APBA1: variants seen among roughly 807,000 people sequenced by gnomAD.
APBA1 encodes the protein amyloid-beta A4 precursor protein-binding family A member 1.
In APBA1, 55 loss-of-function variants were observed where a neutral mutation model predicts 86.6. That is an observed-to-expected ratio of 0.64 (90% confidence interval 0.51 to 0.80). The LOEUF (loss-of-function observed/expected upper bound fraction) is 0.80. APBA1 is among the 30% of genes least tolerant of loss of function. The probability of loss-of-function intolerance (pLI) is 0.00; values close to 1 mark genes in which losing one functional copy is unlikely to be tolerated. For synonymous variants in APBA1, 511 were observed against 493.9 expected (o/e 1.03, Z -0.46); for missense variants, 1,090 against 1,183.0 (o/e 0.92, Z 1.15).
intron 2 of APBA1, among the ~76,000 whole-genome samples, chr9:69,500,773 C>G (rs900470812): frequency 2.0e-5 from 3 of 152,054 alleles, no homozygotes; most frequent in African/African-American, 7.2e-5. Flanking sequence ...GCCTTGAAAT[C>G]TATGTTTAAA....
At chr9:69,628,588 C>G (rs546094076) in intron 1 of APBA1, among the ~76,000 whole-genome samples, 76 of 152,278 alleles carry the variant, frequency 5.0e-4, no homozygotes, top group African/African-American at 1.8e-3. Flanking sequence ...CCATGGCAAC[C>G]ATTCCAAAGA....
intron 1 of APBA1, among the ~76,000 whole-genome samples, chr9:69,596,582 T>C (rs1822234503): frequency 1.3e-5 from 2 of 152,206 alleles, no homozygotes; most frequent in Non-Finnish European, 1.5e-5. Context: ...CACACCCATG[T>C]TCCGAGCATG....
intron 1 of APBA1, among the ~76,000 whole-genome samples, chr9:69,600,833 T>A (rs1440608058): frequency 2.0e-5 from 3 of 146,650 alleles, no homozygotes; most frequent in Admixed American, 6.8e-5. Flanking sequence ...AATAAATAAA[T>A]AAAATAAAAT....
chr9:69,617,212 C>T (rs375263020), intron 1 of APBA1, among the ~76,000 whole-genome samples: 7 of 152,224 alleles, frequency 4.6e-5, no homozygotes, highest in Middle Eastern at 3.4e-3. Flanking sequence ...CTTCACTTCC[C>T]TGAATATGCA....
chr9:69,529,264 G>T (rs1012986401), intron 1 of APBA1, among the ~76,000 whole-genome samples: 1 of 152,020 alleles, frequency 6.6e-6, no homozygotes, highest in African/African-American at 2.4e-5. Flanking sequence ...ATTCAGGAAG[G>T]CTCACTTCCT....
intron 2 of APBA1, among the ~76,000 whole-genome samples, chr9:69,512,009 C>T (rs1172278325): frequency 2.0e-5 from 3 of 151,682 alleles, no homozygotes; most frequent in African/African-American, 7.3e-5. Flanking sequence ...ACCAGCATGG[C>T]ACACGTATAC....
At chr9:69,566,416 C>A (rs1837027691) in intron 1 of APBA1, among the ~76,000 whole-genome samples, 1 of 152,118 alleles carries the variant, frequency 6.6e-6, no homozygotes, top group South Asian at 2.1e-4. Flanking sequence ...TGTACTGGGT[C>A]TTTTATCTGC....
At chr9:69,672,476 G>T (rs1823974433), upstream of APBA1, among the ~76,000 whole-genome samples, 1 of 148,416 alleles carries the variant, frequency 6.7e-6, no homozygotes, top group South Asian at 2.1e-4. Context: ...GGGCGCGGGG[G>T]AGCGCGCGCG....
At chr9:69,472,998 A>ATAAT (rs2133835074) in intron 3 of APBA1, among the ~76,000 whole-genome samples, 1 of 152,342 alleles carries the variant, frequency 6.6e-6, no homozygotes, top group African/African-American at 2.4e-5. Context: ...TAATCACACA[A>ATAAT]TAATACATTG....
At chr9:69,585,385 G>A (rs11139444) in intron 1 of APBA1, among the ~76,000 whole-genome samples, 1,942 of 152,278 alleles carry the variant, frequency 0.013, 20 homozygotes, top group Non-Finnish European at 0.021. Context: ...ATGATAAGAA[G>A]AGACTGAGGC....
At chr9:69,654,112 C>CAAAAAA (rs34666773) in intron 1 of APBA1, among the ~76,000 whole-genome samples, 3 of 60,378 alleles carry the variant, frequency 5.0e-5, no homozygotes, top group Non-Finnish European at 7.2e-5. Flanking sequence ...AACTCCATCT[C>CAAAAAA]AAAAAAAAAA....
chr9:69,534,724 C>T (rs1332306042), intron 1 of APBA1, among the ~76,000 whole-genome samples: 1 of 152,096 alleles, frequency 6.6e-6, no homozygotes, highest in African/African-American at 2.4e-5. Flanking sequence ...AAAAATATCC[C>T]CTTTTCACTG....
intron 1 of APBA1, among the ~76,000 whole-genome samples, chr9:69,571,190 G>A (rs995061780): frequency 6.6e-6 from 1 of 152,098 alleles, no homozygotes; most frequent in Non-Finnish European, 1.5e-5. Context: ...GCATGACAAG[G>A]GTTGAAAATC....
At chr9:69,575,884 A>G (rs1430962637) in intron 1 of APBA1, among the ~76,000 whole-genome samples, 6 of 152,184 alleles carry the variant, frequency 3.9e-5, no homozygotes, top group African/African-American at 9.6e-5. Flanking sequence ...AAGAGCTTCT[A>G]CACAGCAAAA....
chr9:69,594,312 G>A (rs1016528869), intron 1 of APBA1, among the ~76,000 whole-genome samples: 3 of 152,122 alleles, frequency 2.0e-5, no homozygotes, highest in African/African-American at 7.2e-5. Context: ...GCCAAGTGTC[G>A]CTGATGCTGC....
chr9:69,655,683 C>T (rs1340977513), intron 1 of APBA1, among the ~76,000 whole-genome samples: 1 of 151,948 alleles, frequency 6.6e-6, no homozygotes, highest in Non-Finnish European at 1.5e-5. Context: ...CCTATAGAAA[C>T]ACCCATGGCA....
chr9:69,669,781 C>A (rs528844607), intron 1 of APBA1, among the ~76,000 whole-genome samples: 1 of 152,006 alleles, frequency 6.6e-6, no homozygotes, highest in Non-Finnish European at 1.5e-5. Flanking sequence ...CTCAAAAAGA[C>A]AAATAAAAAT....
intron 1 of APBA1, among the ~76,000 whole-genome samples, chr9:69,567,507 T>C (rs1036976860): frequency 6.6e-5 from 10 of 152,138 alleles, no homozygotes; most frequent in African/African-American, 2.2e-4. Flanking sequence ...ATGTGCCATG[T>C]TGGTGTGCTG....
At chr9:69,452,342 G>T (rs1835025173) in intron 8 of APBA1, 41 bp from the exon 9 acceptor site, 2 of 1,594,328 alleles carry the variant, frequency 1.3e-6, no homozygotes, top group South Asian at 2.2e-5. Flanking sequence ...CAGCAGGGCA[G>T]TGCACCTGGT....
Sources: gnomAD v4.1 joint callset for allele counts (sites outside exome capture counted in the v4.1 genomes callset) on GRCh38, gnomAD v4.1.1 for gene constraint, MANE v1.5 for transcripts, NCBI Gene and HGNC (gene_info 2026-07-23, HGNC 2026-07-21) for gene names.